The following ST6GALNAC3 variants were observed in gnomAD, a reference collection of about 807,000 sequenced individuals.
ST6GALNAC3 encodes alpha-N-acetylgalactosaminide alpha-2,6-sialyltransferase 3.
In ST6GALNAC3, 25 loss-of-function variants were observed where a neutral mutation model predicts 32.7. The ratio of observed to expected loss-of-function variants is 0.76; its 90% confidence interval spans 0.56 to 1.07. The LOEUF (loss-of-function observed/expected upper bound fraction) is 1.07, where lower values mean the gene tolerates loss of function less well. ST6GALNAC3 is among the 50% of genes least tolerant of loss of function. ST6GALNAC3 has a pLI of 0.00. For synonymous variants in ST6GALNAC3, 129 were observed against 133.1 expected (o/e 0.97, Z 0.21); for missense variants, 355 against 382.4 (o/e 0.93, Z 0.60).
intron 1 of ST6GALNAC3, among the ~76,000 whole-genome samples, chr1:76,117,688 G>A (rs1405395205): frequency 1.3e-5 from 2 of 152,146 alleles, no homozygotes; most frequent in Non-Finnish European, 2.9e-5. Context: ...CTAAAGATGG[G>A]CAAATTAAAG....
chr1:76,440,865 A>C, intron 3 of ST6GALNAC3, among the ~76,000 whole-genome samples: 1 of 152,154 alleles, frequency 6.6e-6, no homozygotes, highest in East Asian at 1.9e-4. Flanking sequence ...AGGTGTGTGG[A>C]TCACCTGAGG....
intron 2 of ST6GALNAC3, among the ~76,000 whole-genome samples, chr1:76,341,621 C>G (rs969073798): frequency 3.3e-5 from 4 of 119,712 alleles, no homozygotes; most frequent in African/African-American, 1.4e-4. Context: ...TTCTTTCTTT[C>G]TTTCTTTCTT....
chr1:76,324,184 C>T (rs1001273763), intron 2 of ST6GALNAC3, among the ~76,000 whole-genome samples: 2 of 152,148 alleles, frequency 1.3e-5, no homozygotes, highest in South Asian at 2.1e-4. Context: ...CAATGTATAT[C>T]TGTGAAACAC....
intron 1 of ST6GALNAC3, among the ~76,000 whole-genome samples, chr1:76,195,894 A>G (rs1233392334): frequency 6.6e-6 from 1 of 152,182 alleles, no homozygotes; most frequent in Non-Finnish European, 1.5e-5. Context: ...TGGGTGAGGA[A>G]TAGGGAAGCC....
chr1:76,291,836 G>T (rs778204989), intron 1 of ST6GALNAC3, among the ~76,000 whole-genome samples: 1 of 152,324 alleles, frequency 6.6e-6, no homozygotes, highest in East Asian at 1.9e-4. Flanking sequence ...TGTGCAATTT[G>T]TTCCTTGAAC....
Position 76,628,734 on chromosome 1 carries a change from A to C in ST6GALNAC3, c.846A>C (p.Glu282Asp), listed in dbSNP as rs368619930. The change falls in exon 5 of 5, where the codon GAA becomes GAC. Residue 282 changes from glutamate (E) to aspartate (D), a missense_variant. Glu to Asp is a conservative substitution (Grantham distance 45). Coordinates refer to ENST00000328299, the MANE Select transcript of ST6GALNAC3 (RefSeq NM_152996.4). ...APYGGHRFIT[E>D]KKVFAKWAKK... ...ATGGGGGTCATAGGTTTATCACTGA[A>C]AAGAAAGTGTTTGCTAAATGGGCCA... The C allele has an allele frequency of 2.5e-6, 4 of 1,612,554 alleles. No individual in the cohort carries two copies. The highest frequency in any genetic ancestry group is 3.4e-6 in the Non-Finnish European group (4 of 1,179,046).
chr1:76,557,256 C>T (rs2043601), intron 3 of ST6GALNAC3, among the ~76,000 whole-genome samples: 8,449 of 152,054 alleles, frequency 0.056, 290 homozygotes, highest in Middle Eastern at 0.088. Flanking sequence ...TCTTCCACTG[C>T]GTGCAGTTTT....
chr1:76,521,394 T>TA (rs1662528414), intron 3 of ST6GALNAC3, among the ~76,000 whole-genome samples: 2 of 151,846 alleles, frequency 1.3e-5, no homozygotes, highest in South Asian at 2.1e-4. Flanking sequence ...GGGAGATTGA[T>TA]AGAGAGCCTC....
At chr1:76,548,829 A>AT (rs1553137897) in intron 3 of ST6GALNAC3, among the ~76,000 whole-genome samples, 1 of 152,012 alleles carries the variant, frequency 6.6e-6, no homozygotes, top group Non-Finnish European at 1.5e-5. Context: ...TCTTCATGGC[A>AT]TTTACCATGA....
At position 76,628,938 on chromosome 1, in the gene ST6GALNAC3, C is replaced by A; in HGVS notation, c.*132C>A. 2.0e-6 allele frequency: 3 copies of A among 1,487,188 alleles called. No individual in the cohort carries two copies. The South Asian group carries it at 4.2e-5, about 21-fold the overall frequency. 92.1% of individuals were successfully genotyped at this position (1,487,188 alleles called of 1,614,324 possible). On this transcript the variant is annotated 3_prime_UTR_variant, in exon 5 of 5. Transcript: ENST00000328299. ...TGATTATCAAGTTCCTGTACACTCT[C>A]AGATGTGGATGGTGACTCTGCTAGT...
In ST6GALNAC3 at chr1:76,328,685, C is replaced by T. The variant is rs575542956; in HGVS notation, c.213+14686C>T. 8.5e-5 allele frequency among the ~76,000 whole-genome samples: 13 copies of T among 152,156 alleles called. No homozygotes were observed. The South Asian group carries it at 2.5e-3, about 29-fold the overall frequency. ...CTTTCAGAGTGAAAATGTTGATTTT[C>T]CCAAATTAAAGAACTAGGGGATATG... On this transcript the variant is annotated intron_variant, in intron 2 of 4. Transcript: ENST00000328299.
chr1:76,552,975 GTC>G (rs1479211446), intron 3 of ST6GALNAC3, among the ~76,000 whole-genome samples: 1 of 152,200 alleles, frequency 6.6e-6, no homozygotes, highest in East Asian at 1.9e-4. Context: ...ATTTTTTGGA[GTC>G]TCTTGAGTTT....
Position 76,509,598 on chromosome 1 carries a change from C to A in ST6GALNAC3, c.623+97181C>A, listed in dbSNP as rs1396549418. Among the ~76,000 whole-genome samples the A allele has an allele frequency of 6.6e-6, 1 of 152,172 alleles. No individual in the cohort carries two copies. Among genetic ancestry groups the A allele is most frequent in the Non-Finnish European group, 1.5e-5 (1 of 68,034 alleles). On this transcript the variant is annotated intron_variant, in intron 3 of 4. Coordinates refer to ENST00000328299, the MANE Select transcript of ST6GALNAC3 (RefSeq NM_152996.4). This position sits in a 1 kb window ranked among gnomAD's most constrained non-coding sequence, Gnocchi z 5.5. ...TGCTGCTATAACAAATTATCACCAACTTTGTGGTTTAAAACAACACAAAGT... is the reference window on the plus strand; with the variant it reads ...TGCTGCTATAACAAATTATCACCAAATTTGTGGTTTAAAACAACACAAAGT...
chr1:76,084,628 T>C (rs1646941182), intron 1 of ST6GALNAC3, among the ~76,000 whole-genome samples: 1 of 152,230 alleles, frequency 6.6e-6, no homozygotes, highest in Non-Finnish European at 1.5e-5. Flanking sequence ...GGTTTGCTTA[T>C]TTTTTACTGC....
intron 1 of ST6GALNAC3, among the ~76,000 whole-genome samples, chr1:76,232,177 C>T (rs535087540): frequency 6.6e-6 from 1 of 152,320 alleles, no homozygotes; most frequent in South Asian, 2.1e-4. Context: ...GTGGTTGACG[C>T]TGGACAGAAA....
chr1:76,446,313 T>C (rs116492170), intron 3 of ST6GALNAC3, among the ~76,000 whole-genome samples: 2,876 of 152,192 alleles, frequency 0.019, 96 homozygotes, highest in African/African-American at 0.062. Context: ...TTTGCTACAA[T>C]TGATGAACCT....
intron 2 of ST6GALNAC3, among the ~76,000 whole-genome samples, chr1:76,365,752 T>C (rs1204634834): frequency 1.3e-5 from 2 of 152,214 alleles, no homozygotes; most frequent in Non-Finnish European, 2.9e-5. Flanking sequence ...TTTCAATTTT[T>C]CAACATTCTG....
chr1:76,255,124 A>G (rs971312530), intron 1 of ST6GALNAC3, among the ~76,000 whole-genome samples: 1 of 151,460 alleles, frequency 6.6e-6, no homozygotes, highest in African/African-American at 2.4e-5. Context: ...CTGGTCTGTT[A>G]GAGCCAGGAG....
intron 3 of ST6GALNAC3, among the ~76,000 whole-genome samples, chr1:76,569,099 T>TG (rs1409685670): frequency 6.6e-6 from 1 of 152,144 alleles, no homozygotes; most frequent in East Asian, 1.9e-4. Context: ...TTTCAGCAGT[T>TG]GATCCACTAT....
Sources: allele counts gnomAD v4.1 joint callset (sites outside exome capture counted in the v4.1 genomes callset), GRCh38; gene constraint gnomAD v4.1.1; non-coding constraint Gnocchi (gnomAD v3.1); transcripts MANE v1.5; gene names NCBI Gene and HGNC (gene_info 2026-07-23, HGNC 2026-07-21).